The following PPP2R1B variants were observed in gnomAD, a reference collection of about 807,000 sequenced individuals.
The protein encoded by PPP2R1B is serine/threonine-protein phosphatase 2A 65 kDa regulatory subunit A beta isoform.
A neutral mutation model predicts 72.7 loss-of-function variants in PPP2R1B; 58 were observed. That is an observed-to-expected ratio of 0.80 (90% CI 0.65 to 0.99). The LOEUF is 0.99. PPP2R1B is among the 50% of genes least tolerant of loss of function. The pLI is 0.00. For missense variants in PPP2R1B, 695 were observed against 733.6 expected, an observed-to-expected ratio of 0.95 and a Z score of 0.61; for synonymous variants, 256 against 264.6, an observed-to-expected ratio of 0.97 and a Z score of 0.32.
chr11:111,692,379 A>C, the PPP2R1B span, among the ~76,000 whole-genome samples: 16 of 145,064 alleles, frequency 1.1e-4, no homozygotes, highest in East Asian at 3.9e-4. Flanking sequence ...AAAAAAAAAA[A>C]AAAAAAAAAC....
the PPP2R1B span, chr11:111,688,247 C>A: frequency 1.5e-6 from 2 of 1,377,366 alleles, no homozygotes; most frequent in South Asian, 1.2e-5. This position sits in a 1 kb window ranked among gnomAD's most constrained non-coding sequence, Gnocchi z 4.2. Flanking sequence ...GGCGCAGATT[C>A]AGCAGCATTT....
intron 14 of PPP2R1B, 62 bp from the exon 15 acceptor site, chr11:111,741,674 A>G (rs1007648656): frequency 1.2e-4 from 181 of 1,539,868 alleles, no homozygotes; most frequent in Non-Finnish European, 1.5e-4. Flanking sequence ...ATCTATGTGA[A>G]TATTAAGCAC....
At chr11:111,762,581 G>T (rs555037925) in intron 3 of PPP2R1B, among the ~76,000 whole-genome samples, 1 of 150,562 alleles carries the variant, frequency 6.6e-6, no homozygotes, top group Non-Finnish European at 1.5e-5. Context: ...TAAGAGACAG[G>T]GTCTTGCTCT....
At chr11:111,744,756 T>C (rs546050622) in intron 11 of PPP2R1B, among the ~76,000 whole-genome samples, 205 of 152,142 alleles carry the variant, frequency 1.3e-3, no homozygotes, top group African/African-American at 4.5e-3. Flanking sequence ...AACCAAGAAA[T>C]AGGCAACTTC....
At chr11:111,731,554 G>T (rs1944193825) in intron 15 of PPP2R1B, among the ~76,000 whole-genome samples, 1 of 152,240 alleles carries the variant, frequency 6.6e-6, no homozygotes, top group South Asian at 2.1e-4. Flanking sequence ...GCTGGCAGCA[G>T]GATCTCGACT....
intron 11 of PPP2R1B, among the ~76,000 whole-genome samples, chr11:111,746,475 G>C (rs1035540662): frequency 4.6e-5 from 7 of 152,118 alleles, no homozygotes; most frequent in African/African-American, 1.7e-4. Context: ...GGCCTATCAG[G>C]GGGTGAGGGG....
At chr11:111,765,996 C>A (rs749500157) in intron 1 of PPP2R1B, 1 of 579,816 alleles carries the variant, frequency 1.7e-6, no homozygotes, top group Non-Finnish European at 3.2e-6. Flanking sequence ...TCCCCGACAA[C>A]CGCCCGGGAA....
the PPP2R1B span, among the ~76,000 whole-genome samples, chr11:111,710,738 A>G: frequency 2.1e-4 from 32 of 152,346 alleles, no homozygotes; most frequent in African/African-American, 7.7e-4. Context: ...GTTGAAGAAG[A>G]TAAGTTTCAG....
the PPP2R1B span, chr11:111,720,427 C>A: frequency 1.4e-5 from 21 of 1,522,292 alleles, no homozygotes; most frequent in East Asian, 4.3e-4. Flanking sequence ...ACCCTATGTT[C>A]CAAGGAGATG....
the PPP2R1B span, among the ~76,000 whole-genome samples, chr11:111,695,800 A>C: frequency 1.3e-5 from 2 of 152,224 alleles, no homozygotes; most frequent in African/African-American, 4.8e-5. Context: ...TTCCCATTAG[A>C]CAACAATCAT....
At chr11:111,692,246 G>A in the PPP2R1B span, among the ~76,000 whole-genome samples, 1 of 149,716 alleles carries the variant, frequency 6.7e-6, no homozygotes, top group Admixed American at 6.7e-5. Flanking sequence ...AGCTACTCCG[G>A]AGGCTGAGGC....
At chr11:111,697,346 G>C in the PPP2R1B span, among the ~76,000 whole-genome samples, 2 of 152,196 alleles carry the variant, frequency 1.3e-5, no homozygotes, top group Non-Finnish European at 2.9e-5. Context: ...GCTGTTGTCT[G>C]CAGATGATAT....
chr11:111,706,600 AAG>A, the PPP2R1B span, among the ~76,000 whole-genome samples: 11 of 152,236 alleles, frequency 7.2e-5, no homozygotes, highest in African/African-American at 2.7e-4. Context: ...TGTTTTAAAA[AAG>A]GGAATTAAAT....
intron 15 of PPP2R1B, among the ~76,000 whole-genome samples, chr11:111,731,885 T>G (rs1446058292): frequency 6.6e-6 from 1 of 152,192 alleles, no homozygotes; most frequent in Non-Finnish European, 1.5e-5. Context: ...TCCCACCAGA[T>G]TTCTCCATCA....
rs1244632523 is a variant in PPP2R1B at position 111,743,579 on chromosome 11, A to T, written c.1400-49T>A. ...TTCTCATATCGCTTATTGTTTTTTA[A>T]GCATAACCTAGTTTACTTACATGAA... On this transcript the variant is annotated intron_variant, in intron 11 of 14. Transcript: ENST00000527614. 3.8e-6 allele frequency: 6 copies of T among 1,564,470 alleles called. No individual in the cohort carries two copies. The South Asian group carries it at 7.2e-5, about 19-fold the overall frequency.
At chr11:111,710,669 A>G in the PPP2R1B span, among the ~76,000 whole-genome samples, 2 of 152,298 alleles carry the variant, frequency 1.3e-5, no homozygotes, top group African/African-American at 4.8e-5. Context: ...AGTTAAGGAC[A>G]TTGCATGTTA....
At chr11:111,727,853 G>C (rs547033191) in intron 15 of PPP2R1B, 1 of 152,296 alleles carries the variant, frequency 6.6e-6, no homozygotes, top group African/African-American at 2.4e-5. Flanking sequence ...AGTTGAGGAT[G>C]CAAGGACACA....
intron 11 of PPP2R1B, 98 bp downstream of exon 11, chr11:111,747,856 A>T: frequency 8.7e-7 from 1 of 1,154,996 alleles, no homozygotes; most frequent in South Asian, 1.7e-5. Context: ...TACAATATTA[A>T]GGCAAAATAT....
At chr11:111,688,140 C>A in the PPP2R1B span, 1 of 1,614,064 alleles carries the variant, frequency 6.2e-7, no homozygotes, top group Non-Finnish European at 8.5e-7. This position sits in a 1 kb window ranked among gnomAD's most constrained non-coding sequence, Gnocchi z 4.2. Context: ...TGCTGGATAA[C>A]AACATGAATA....
Sources: allele counts gnomAD v4.1 joint callset (sites outside exome capture counted in the v4.1 genomes callset), GRCh38; gene constraint gnomAD v4.1.1; non-coding constraint Gnocchi (gnomAD v3.1); transcripts MANE v1.5; gene names NCBI Gene and HGNC (gene_info 2026-07-23, HGNC 2026-07-21).